PCLO: variants seen among roughly 807,000 people sequenced by gnomAD.
PCLO encodes piccolo presynaptic cytomatrix protein.
A neutral mutation model predicts 427.5 loss-of-function variants in PCLO; 82 were observed. That is an observed-to-expected ratio of 0.19 (90% CI 0.16 to 0.23). PCLO has a LOEUF of 0.23. PCLO is among the 10% of genes least tolerant of loss of function. The pLI is 1.00. For synonymous variants in PCLO, 2,357 were observed against 2,155.4 expected (o/e 1.09, Z -2.59); for missense variants, 6,239 against 6,115.9 (o/e 1.02, Z -0.67).
chr7:83,013,465 T>G (rs981723338), intron 3 of PCLO, among the ~76,000 whole-genome samples: 3 of 152,194 alleles, frequency 2.0e-5, no homozygotes, highest in African/African-American at 7.2e-5. Flanking sequence ...AAGATAAAAT[T>G]AAAAGTGTGT....
intron 2 of PCLO, among the ~76,000 whole-genome samples, chr7:83,143,983 A>G (rs933839546): frequency 6.6e-6 from 1 of 152,262 alleles, no homozygotes; most frequent in African/African-American, 2.4e-5. Flanking sequence ...AAATAACAAA[A>G]GATTATATTA....
intron 22 of PCLO, among the ~76,000 whole-genome samples, chr7:82,801,150 G>C (rs1172944665): frequency 1.0e-5 from 1 of 95,764 alleles, no homozygotes; most frequent in Non-Finnish European, 2.5e-5. Flanking sequence ...ACTTAAATGA[G>C]GTTCCATGAT....
chr7:83,157,684 C>T (rs900987936), intron 1 of PCLO, among the ~76,000 whole-genome samples: 3 of 151,674 alleles, frequency 2.0e-5, no homozygotes, highest in Non-Finnish European at 2.9e-5. Context: ...TAAAATAATT[C>T]ATACTTTAGT....
chr7:82,824,227 A>AT lies in PCLO; in HGVS notation c.14596+8dup. The stretch of plus-strand genomic sequence containing the variant: ...CAAAACTTTTTCTACTTAAAAAAAT[A>AT]TTTCCTACCCTTTGATGGGTCAGGG... On this transcript the variant is annotated intron_variant, in intron 19 of 24. Transcript: ENST00000333891. 1 of 1,580,842 alleles carries AT rather than the reference A, an allele frequency of 6.3e-7. No homozygotes were observed. The highest frequency in any genetic ancestry group is 1.2e-5 in the South Asian group (1 of 86,568).
At position 82,953,115 on chromosome 7, in the gene PCLO, A is replaced by G. The variant is rs984775433; in HGVS notation, c.7838T>C (p.Leu2613Pro). The change falls in exon 5 of 25, where the codon CTG becomes CCG. Residue 2613 changes from leucine (L) to proline (P), a missense_variant. Leu to Pro is a moderately conservative substitution (Grantham distance 98). Around this residue, in one of 5 missense-constraint regions of PCLO, gnomAD observed 4,677 missense variants for 4,468.4 expected, o/e 1.05. Transcript: ENST00000333891. The part of the protein sequence containing the change: ...SWPLGSPSKD[L>P]VSVEPVFSVV... ...AGAAAACACAGGTTCAACAGAAACC[A>G]GATCTTTGGAGGGTGATCCCAAGGG... 4 of 1,613,948 alleles carry G rather than the reference A, an allele frequency of 2.5e-6. No individual in the cohort carries two copies. The highest frequency in any genetic ancestry group is 3.4e-6 in the Non-Finnish European group (4 of 1,179,862).
chr7:83,040,393 C>T (rs953923155), intron 3 of PCLO, among the ~76,000 whole-genome samples: 9 of 152,134 alleles, frequency 5.9e-5, no homozygotes, highest in Admixed American at 4.6e-4. Context: ...TCTCTTTCAA[C>T]AGATTACACT....
chr7:83,043,967 G>T (rs182521008), intron 3 of PCLO, among the ~76,000 whole-genome samples: 869 of 86,270 alleles, frequency 0.01, 15 homozygotes, highest in African/African-American at 0.038. Context: ...AATCTCCATT[G>T]TATTAGTTCA....
intron 6 of PCLO, among the ~76,000 whole-genome samples, chr7:82,922,749 G>GA (rs947392207): frequency 6.6e-6 from 1 of 151,148 alleles, no homozygotes. Context: ...AAGTTGGAAA[G>GA]AAAAAAAACG....
At chr7:82,797,055 C>T (rs1261130963) in intron 22 of PCLO, among the ~76,000 whole-genome samples, 1 of 151,884 alleles carries the variant, frequency 6.6e-6, no homozygotes, top group African/African-American at 2.4e-5. Context: ...AATTGAGGAT[C>T]TTCCATAATG....
At chr7:82,977,992 T>C (rs1023726702) in intron 3 of PCLO, among the ~76,000 whole-genome samples, 4 of 152,174 alleles carry the variant, frequency 2.6e-5, no homozygotes, top group African/African-American at 9.7e-5. Flanking sequence ...TCATTTTTCA[T>C]ATATATCTTT....
chr7:83,037,665 A>G (rs1172078322), intron 3 of PCLO, among the ~76,000 whole-genome samples: 2 of 151,510 alleles, frequency 1.3e-5, no homozygotes, highest in African/African-American at 4.8e-5. Context: ...ATAAAGAAGA[A>G]GAGGCATATC....
intron 3 of PCLO, among the ~76,000 whole-genome samples, chr7:83,030,501 T>C (rs916599713): frequency 1.3e-5 from 2 of 152,170 alleles, no homozygotes; most frequent in Non-Finnish European, 2.9e-5. Flanking sequence ...TCAACTCCTA[T>C]CTCTGTAGCC....
chr7:83,161,891 G>T (rs1792446821), intron 1 of PCLO, among the ~76,000 whole-genome samples: 1 of 152,106 alleles, frequency 6.6e-6, no homozygotes, highest in Non-Finnish European at 1.5e-5. Flanking sequence ...ACCTACAAGG[G>T]GATTAAAGTT....
chr7:82,873,785 A>G (rs540572408), intron 10 of PCLO, among the ~76,000 whole-genome samples: 17 of 151,308 alleles, frequency 1.1e-4, no homozygotes, highest in African/African-American at 3.6e-4. Context: ...ATACTCAGTC[A>G]CTGCACAGGA....
chr7:83,007,234 A>G (rs991319933), intron 3 of PCLO, among the ~76,000 whole-genome samples: 1 of 151,522 alleles, frequency 6.6e-6, no homozygotes, highest in Non-Finnish European at 1.5e-5. Flanking sequence ...TCCCAAGGGA[A>G]AAAAGTATAG....
chr7:82,981,592 T>C (rs1796147994), intron 3 of PCLO, among the ~76,000 whole-genome samples: 1 of 152,142 alleles, frequency 6.6e-6, no homozygotes, highest in African/African-American at 2.4e-5. Context: ...ATTTCTTTCT[T>C]AATCCTTAAT....
intron 3 of PCLO, among the ~76,000 whole-genome samples, chr7:83,061,457 T>A (rs138504101): frequency 6.6e-6 from 1 of 152,320 alleles, no homozygotes; most frequent in Non-Finnish European, 1.5e-5. Flanking sequence ...AAACATGTTT[T>A]GCCACATAAC....
intron 9 of PCLO, among the ~76,000 whole-genome samples, chr7:82,883,302 A>G (rs879921537): frequency 2.0e-5 from 3 of 149,978 alleles, no homozygotes; most frequent in Non-Finnish European, 4.4e-5. Context: ...TAGTTTACAC[A>G]TTACTTACAC....
chr7:82,914,774 G>A lies in PCLO; in HGVS notation c.13212C>T (p.His4404=). The A allele has an allele frequency of 6.2e-7, 1 of 1,613,434 alleles. No homozygotes were observed. The change falls in exon 7 of 25, where the codon CAC becomes CAT. Residue 4404 remains histidine (H), a synonymous_variant. Transcript: ENST00000333891. ...CTCGAGTCCGTGATTCTTCCCTCAT[G>A]TGTTGCTGAACTTCAGGCAATGAGT... The part of the protein sequence containing the change: ...SSHSLPEVQQ[H]MREESRTRGY...
Sources: gnomAD v4.1 joint callset for allele counts (sites outside exome capture counted in the v4.1 genomes callset) on GRCh38, gnomAD v4.1.1 for gene constraint, gnomAD v4.1.1 regional missense constraint, MANE v1.5 for transcripts, NCBI Gene and HGNC (gene_info 2026-07-23, HGNC 2026-07-21) for gene names.